PRKD1: variants seen among roughly 807,000 people sequenced by gnomAD.
PRKD1 encodes serine/threonine-protein kinase D1.
Under a neutral mutation model 95.9 loss-of-function variants are expected in PRKD1, and 63 were observed. That is an observed-to-expected ratio of 0.66 (90% CI 0.54 to 0.81). The LOEUF (loss-of-function observed/expected upper bound fraction) is 0.81. PRKD1 is among the 30% of genes least tolerant of loss of function. PRKD1 has a pLI of 0.00. For missense variants in PRKD1, 1,048 were observed against 1,165.3 expected, an observed-to-expected ratio of 0.90 and a Z score of 1.47; for synonymous variants, 425 against 423.1, an observed-to-expected ratio of 1.00 and a Z score of -0.05.
intron 1 of PRKD1, among the ~76,000 whole-genome samples, chr14:29,818,291 T>C (rs1890772181): frequency 6.6e-6 from 1 of 152,222 alleles, no homozygotes; most frequent in Non-Finnish European, 1.5e-5. Context: ...AGAAACACCA[T>C]ACCACACAAT....
At chr14:29,711,593 A>G (rs1885336727) in intron 2 of PRKD1, among the ~76,000 whole-genome samples, 1 of 152,142 alleles carries the variant, frequency 6.6e-6, no homozygotes, top group Admixed American at 6.6e-5. Flanking sequence ...AATTTTTAAA[A>G]ATTGAGATCC....
intron 2 of PRKD1, among the ~76,000 whole-genome samples, chr14:29,705,899 G>C (rs1332963836): frequency 6.6e-6 from 1 of 151,402 alleles, no homozygotes. Flanking sequence ...TCTACTTTTG[G>C]CTATAATTAA....
At chr14:29,847,043 G>C (rs1892104881) in intron 1 of PRKD1, among the ~76,000 whole-genome samples, 3 of 152,152 alleles carry the variant, frequency 2.0e-5, no homozygotes, top group Non-Finnish European at 4.4e-5. Context: ...GCCCAGTTTG[G>C]ATCAGGTGCC....
intron 1 of PRKD1, among the ~76,000 whole-genome samples, chr14:29,822,461 G>C (rs1241849253): frequency 6.6e-6 from 1 of 152,138 alleles, no homozygotes; most frequent in Admixed American, 6.5e-5. Flanking sequence ...TTTGCTGTTT[G>C]TCTAGCATGT....
chr14:29,779,133 T>A (rs1888914060), intron 1 of PRKD1, among the ~76,000 whole-genome samples: 1 of 152,230 alleles, frequency 6.6e-6, no homozygotes, highest in East Asian at 1.9e-4. Context: ...TGATGAGACG[T>A]ATCTCAAAAT....
At chr14:29,867,247 A>G (rs191922818) in intron 1 of PRKD1, among the ~76,000 whole-genome samples, 272 of 124,326 alleles carry the variant, frequency 2.2e-3, no homozygotes, top group Non-Finnish European at 2.9e-3. Context: ...ATGTACTATA[A>G]GAAAAACAAT....
At chr14:29,659,177 C>T (rs1410871675) in intron 4 of PRKD1, among the ~76,000 whole-genome samples, 5 of 152,132 alleles carry the variant, frequency 3.3e-5, no homozygotes, top group Non-Finnish European at 5.9e-5. Context: ...GATATCCCAC[C>T]TTAGTTTTAT....
intron 1 of PRKD1, among the ~76,000 whole-genome samples, chr14:29,739,538 C>A (rs932999286): frequency 6.6e-6 from 1 of 152,074 alleles, no homozygotes; most frequent in Non-Finnish European, 1.5e-5. Context: ...AAGAATATAT[C>A]TAATTAAAGA....
chr14:29,612,144 CAG>C (rs1469052655), intron 13 of PRKD1, among the ~76,000 whole-genome samples: 1 of 152,122 alleles, frequency 6.6e-6, no homozygotes, highest in African/African-American at 2.4e-5. Context: ...GGTTAGATGA[CAG>C]AATATCATGT....
chr14:29,919,685 G>C (rs541446091), intron 1 of PRKD1, among the ~76,000 whole-genome samples: 1 of 147,780 alleles, frequency 6.8e-6, no homozygotes, highest in South Asian at 2.1e-4. Context: ...AAATGAGGCT[G>C]AGCGCAGTGG....
At chr14:29,682,045 T>C (rs1336993445) in intron 2 of PRKD1, among the ~76,000 whole-genome samples, 2 of 152,166 alleles carry the variant, frequency 1.3e-5, no homozygotes, top group Non-Finnish European at 2.9e-5. Context: ...AATGAACAAG[T>C]GGAAAGTGAG....
chr14:29,746,963 CT>C (rs1458163711), intron 1 of PRKD1, among the ~76,000 whole-genome samples: 2 of 152,116 alleles, frequency 1.3e-5, no homozygotes, highest in Non-Finnish European at 2.9e-5. Context: ...CACTACTTCT[CT>C]GGAATAATTT....
chr14:29,750,223 A>G (rs1428219067), intron 1 of PRKD1, among the ~76,000 whole-genome samples: 2 of 152,214 alleles, frequency 1.3e-5, no homozygotes, highest in African/African-American at 4.8e-5. Flanking sequence ...TAAGTCTGCC[A>G]GAGCTCCAAA....
At chr14:29,770,535 G>C (rs1888453807) in intron 1 of PRKD1, among the ~76,000 whole-genome samples, 1 of 152,200 alleles carries the variant, frequency 6.6e-6, no homozygotes, top group South Asian at 2.1e-4. Flanking sequence ...CAGAAGTGAA[G>C]AGTGTGGTAT....
At chr14:29,826,842 CACATATATATAT>C (rs1891205589) in intron 1 of PRKD1, among the ~76,000 whole-genome samples, 1 of 19,874 alleles carries the variant, frequency 5.0e-5, no homozygotes, top group Non-Finnish European at 9.0e-5. Context: ...TATATATACA[CACATATATATAT>C]ATATATATAT....
intron 1 of PRKD1, among the ~76,000 whole-genome samples, chr14:29,838,504 T>G (rs1891697896): frequency 6.6e-6 from 1 of 152,150 alleles, no homozygotes; most frequent in Admixed American, 6.5e-5. Context: ...TATAAGAGGT[T>G]TCCTTAGCTT....
chr14:29,867,764 C>T lies in PRKD1; in HGVS notation c.264+59485G>A, dbSNP rs146881393. Among the ~76,000 whole-genome samples, 1,034 of 152,246 alleles carry T rather than the reference C, an allele frequency of 6.8e-3. 6 individuals carry two copies. Among genetic ancestry groups the T allele is most frequent in the Non-Finnish European group, 0.01 (703 of 68,018 alleles). On this transcript the variant is annotated intron_variant, in intron 1 of 17. Coordinates refer to ENST00000331968, the MANE Select transcript of PRKD1 (RefSeq NM_002742.3). The stretch of plus-strand genomic sequence containing the variant: ...TTCTGACACTCTGCTTAGTGCAGAG[C>T]CTGGCATATAGGAAATGTCCCAAAA...
intron 1 of PRKD1, among the ~76,000 whole-genome samples, chr14:29,801,621 T>C (rs948098584): frequency 1.3e-5 from 2 of 151,788 alleles, no homozygotes; most frequent in African/African-American, 4.8e-5. Context: ...TAGGTTTTGG[T>C]GGTCTTATAT....
At chr14:29,633,228 G>C (rs891352659) in intron 8 of PRKD1, among the ~76,000 whole-genome samples, 1 of 152,162 alleles carries the variant, frequency 6.6e-6, no homozygotes, top group Non-Finnish European at 1.5e-5. Context: ...ATAGTAAACA[G>C]AAAACATCAT....
Sources: allele counts gnomAD v4.1 joint callset (sites outside exome capture counted in the v4.1 genomes callset), GRCh38; gene constraint gnomAD v4.1.1; transcripts MANE v1.5; gene names NCBI Gene and HGNC (gene_info 2026-07-23, HGNC 2026-07-21).